Variants in ATP11B observed in about 807,000 individuals in gnomAD.
ATP11B encodes the protein phospholipid-transporting ATPase IF.
In ATP11B, 81 loss-of-function variants were observed where a neutral mutation model predicts 157.8. The ratio of observed to expected loss-of-function variants is 0.51; its 90% CI spans 0.43 to 0.62. ATP11B has a LOEUF of 0.62. Ranked by LOEUF, ATP11B falls within the 20% of genes least tolerant of loss-of-function variation. The probability of loss-of-function intolerance (pLI) is 0.00; values close to 1 mark genes in which losing one functional copy is unlikely to be tolerated. For synonymous variants in ATP11B, 451 were observed against 469.4 expected (o/e 0.96, Z 0.51); for missense variants, 1,165 against 1,402.2 (o/e 0.83, Z 2.70).
intron 2 of ATP11B, among the ~76,000 whole-genome samples, chr3:182,823,624 TA>T (rs1372192342): frequency 1.3e-5 from 2 of 152,186 alleles, no homozygotes; most frequent in Non-Finnish European, 2.9e-5. Context: ...ATATGAACTT[TA>T]AAGTAGTTTT....
At chr3:182,825,529 G>A (rs1176205805) in intron 2 of ATP11B, among the ~76,000 whole-genome samples, 2 of 152,016 alleles carry the variant, frequency 1.3e-5, no homozygotes, top group East Asian at 1.9e-4. Flanking sequence ...GAACAGCCTG[G>A]CCAACAGGGT....
intron 28 of ATP11B, among the ~76,000 whole-genome samples, chr3:182,907,092 CAAAA>C (rs58120749): frequency 8.7e-6 from 1 of 115,412 alleles, no homozygotes. Flanking sequence ...GACTCCGTCT[CAAAA>C]AAAAAAAAAA....
At chr3:182,848,089 C>T (rs1346844282) in intron 9 of ATP11B, among the ~76,000 whole-genome samples, 1 of 152,236 alleles carries the variant, frequency 6.6e-6, no homozygotes, top group Non-Finnish European at 1.5e-5. Context: ...TGGCCATAGT[C>T]CATTGTCCCA....
rs983586402 is a variant in ATP11B, at chr3:182,918,249, C to A, written c.*145C>A. 8 of 1,191,708 alleles carry A rather than the reference C, an allele frequency of 6.7e-6. No individual in the cohort carries two copies. In the African/African-American group the frequency reaches 1.2e-4, roughly 18 times the overall value. The allele number at this position is 1,191,708 out of a possible 1,614,324, so 73.8% of individuals were successfully genotyped here. On this transcript the variant is annotated 3_prime_UTR_variant, in exon 30 of 30. Coordinates refer to ENST00000323116, the MANE Select transcript of ATP11B (RefSeq NM_014616.3). ...ACCCACTCAGAGTTATAATGGCAAA[C>A]AAACAGAAAGCATTAGTACAAGCCC... is the stretch of plus-strand genomic sequence containing the variant.
intron 28 of ATP11B, among the ~76,000 whole-genome samples, chr3:182,911,271 G>GTCC (rs1724765124): frequency 1.3e-5 from 1 of 76,612 alleles, no homozygotes; most frequent in East Asian, 5.3e-4. Context: ...CTATTGAAAT[G>GTCC]CCCCCCCCCG....
chr3:182,822,837 G>A (rs997336240), intron 2 of ATP11B, among the ~76,000 whole-genome samples: 16 of 152,256 alleles, frequency 1.1e-4, no homozygotes, highest in African/African-American at 3.1e-4. Context: ...ATATCTCATT[G>A]TGGTTTTGAT....
intron 20 of ATP11B, 55 bp downstream of exon 20, chr3:182,879,704 T>C: frequency 6.8e-7 from 1 of 1,477,934 alleles, no homozygotes; most frequent in South Asian, 1.4e-5. Flanking sequence ...ATAAACATAT[T>C]ATTTAAAGTT....
At chr3:182,795,855 G>A (rs1715566580) in intron 1 of ATP11B, among the ~76,000 whole-genome samples, 1 of 152,168 alleles carries the variant, frequency 6.6e-6, no homozygotes, top group Non-Finnish European at 1.5e-5. Flanking sequence ...ACTTCCAGTG[G>A]CTTAATGGAT....
chr3:182,838,390 G>C lies in ATP11B; in HGVS notation c.656+1216G>C, dbSNP rs563090410. Among the ~76,000 whole-genome samples the C allele has an allele frequency of 1.1e-3, 160 of 151,980 alleles. 2 individuals are homozygous for C. Among genetic ancestry groups the C allele is most frequent in the African/African-American group, 3.5e-3 (147 of 41,510 alleles). On this transcript the variant is annotated intron_variant, in intron 7 of 29. Transcript: ENST00000323116. ...CTAAGCAAGCATAAGATTAATATGA[G>C]ATGAAGTATAACTAATGCTTTGGTG... is the stretch of plus-strand genomic sequence containing the variant.
At chr3:182,882,066 A>C (rs2108561086) in intron 21 of ATP11B, among the ~76,000 whole-genome samples, 1 of 152,310 alleles carries the variant, frequency 6.6e-6, no homozygotes, top group South Asian at 2.1e-4. Flanking sequence ...AGCAAAATGA[A>C]AAGTGTGGGC....
Position 182,871,712 on chromosome 3 carries a change from C to A in ATP11B, c.1867-644C>A, listed in dbSNP as rs1220523860. ...CAGTCTTGAAGGTATTAAGAACTTT[C>A]TGGCTTTCCATGTAACACAGTTTAA... On this transcript the variant is annotated intron_variant, in intron 17 of 29. Coordinates refer to ENST00000323116, the MANE Select transcript of ATP11B (RefSeq NM_014616.3). Among the ~76,000 whole-genome samples the A allele has an allele frequency of 2.6e-5, 4 of 152,258 alleles. No individual in the cohort carries two copies. The East Asian group carries it at 5.8e-4, about 22-fold the overall frequency.
chr3:182,805,624 T>TAA (rs1055580677), intron 1 of ATP11B, among the ~76,000 whole-genome samples: 25 of 107,716 alleles, frequency 2.3e-4, no homozygotes, highest in African/African-American at 6.6e-4. Flanking sequence ...CCAGCTAATT[T>TAA]CTTTTTTTTT....
At chr3:182,909,353 A>T (rs1724602352) in intron 28 of ATP11B, among the ~76,000 whole-genome samples, 1 of 152,202 alleles carries the variant, frequency 6.6e-6, no homozygotes, top group African/African-American at 2.4e-5. Context: ...TTATGTGGTC[A>T]TTCCTGGGAG....
Position 182,919,332 on chromosome 3 carries a change from T to C in ATP11B, c.*1228T>C, listed in dbSNP as rs535147609. On this transcript the variant is annotated 3_prime_UTR_variant, in exon 30 of 30. Coordinates refer to ENST00000323116, the MANE Select transcript of ATP11B (RefSeq NM_014616.3). ...GTGGAATGTAAAAATGCTCAACTTG[T>C]ATCAGGTAATGTTAGCAATAAATTA... 1 of 152,726 alleles carries C rather than the reference T, an allele frequency of 6.5e-6. No homozygotes were observed. The highest frequency in any genetic ancestry group is 2.1e-4 in the South Asian group (1 of 4,824). The allele number at this position is 152,726 out of a possible 1,614,324, so 9.5% of individuals were successfully genotyped here. A position where few individuals can be genotyped will look rare whatever the true frequency, so the allele number is the denominator to read the frequency against.
At chr3:182,860,001 G>A (rs1230605459) in intron 12 of ATP11B, among the ~76,000 whole-genome samples, 1 of 148,592 alleles carries the variant, frequency 6.7e-6, no homozygotes, top group Non-Finnish European at 1.5e-5. Flanking sequence ...TTTCTGCTCC[G>A]ATTGGATTAT....
At chr3:182,819,370 GTCTTTTTT>G (rs2108497716) in intron 1 of ATP11B, among the ~76,000 whole-genome samples, 1 of 152,140 alleles carries the variant, frequency 6.6e-6, no homozygotes, top group Non-Finnish European at 1.5e-5. Flanking sequence ...CGCGCCCGGC[GTCTTTTTT>G]CTAATATTTC....
intron 2 of ATP11B, among the ~76,000 whole-genome samples, chr3:182,826,668 A>G (rs1185077113): frequency 6.6e-6 from 1 of 152,222 alleles, no homozygotes; most frequent in Admixed American, 6.5e-5. Context: ...TATGTTTCAC[A>G]TATTCCAGAT....
At chr3:182,913,316 A>G (rs1244314738) in intron 28 of ATP11B, among the ~76,000 whole-genome samples, 1 of 152,200 alleles carries the variant, frequency 6.6e-6, no homozygotes, top group Non-Finnish European at 1.5e-5. Flanking sequence ...AACCTGGCAC[A>G]TAGTAAAGCA....
intron 2 of ATP11B, among the ~76,000 whole-genome samples, chr3:182,823,095 C>A (rs1032199235): frequency 1.3e-5 from 2 of 152,180 alleles, no homozygotes; most frequent in Non-Finnish European, 2.9e-5. Flanking sequence ...GTTTCTTTTG[C>A]TGTGCAGAAG....
Sources: allele counts gnomAD v4.1 joint callset (sites outside exome capture counted in the v4.1 genomes callset), GRCh38; gene constraint gnomAD v4.1.1; transcripts MANE v1.5; gene names NCBI Gene and HGNC (gene_info 2026-07-23, HGNC 2026-07-21).